Variants in LMO3 observed in about 807,000 individuals in gnomAD.
LMO3 encodes LIM domain only 3, also known as LIM domain only protein 3.
In LMO3, 2 loss-of-function variants were observed where a neutral mutation model predicts 15.8. That is an observed-to-expected ratio of 0.13 (90% CI 0.05 to 0.40). LMO3 has a LOEUF of 0.40. LMO3 is among the 10% of genes least tolerant of loss of function. The pLI, the probability that LMO3 is intolerant of heterozygous loss-of-function variation, is 0.99. For synonymous variants in LMO3, 62 were observed against 63.8 expected, an observed-to-expected ratio of 0.97 and a Z score of 0.13; for missense variants, 86 against 182.2, an observed-to-expected ratio of 0.47 and a Z score of 3.04.
intron 2 of LMO3, among the ~76,000 whole-genome samples, chr12:16,564,145 G>GTCTA (rs1340327414): frequency 6.6e-6 from 1 of 151,752 alleles, no homozygotes; most frequent in Admixed American, 6.6e-5. Flanking sequence ...ACCTCATTTT[G>GTCTA]TCTATCTAAA....
intron 2 of LMO3, among the ~76,000 whole-genome samples, chr12:16,588,273 G>A (rs1213864396): frequency 6.6e-6 from 1 of 151,698 alleles, no homozygotes; most frequent in Admixed American, 6.6e-5. Context: ...TTGAAGGTGT[G>A]CACTCAAATT....
At position 16,593,929 on chromosome 12, in the gene LMO3, C is replaced by A. The variant is rs1943570372; in HGVS notation, c.206+6726G>T. ...ATAGTAAAAACAGAACTAGAACAGG[C>A]AGTATCAAACTCCCTCGGAGCTAAG... is the stretch of plus-strand genomic sequence containing the variant. On this transcript the variant is annotated intron_variant, in intron 2 of 3. Transcript: ENST00000537304. This position sits in a 1 kb window ranked among gnomAD's most constrained non-coding sequence, Gnocchi z 4.2. 6.6e-6 allele frequency among the ~76,000 whole-genome samples: 1 copy of A among 151,630 alleles called. No individual in the cohort carries two copies. Among genetic ancestry groups the A allele is most frequent in the Non-Finnish European group, 1.5e-5 (1 of 67,706 alleles).
intron 2 of LMO3, among the ~76,000 whole-genome samples, chr12:16,564,207 G>T (rs951567099): frequency 7.2e-5 from 11 of 152,062 alleles, no homozygotes; most frequent in Non-Finnish European, 1.5e-4. Context: ...TTTCTTAGGG[G>T]TAAGAACACG....
In LMO3 at chr12:16,587,998, G is replaced by T. The variant is rs530369721; in HGVS notation, c.206+12657C>A. On this transcript the variant is annotated intron_variant, in intron 2 of 3. Coordinates refer to ENST00000537304, the MANE Select transcript of LMO3 (RefSeq NM_018640.5). The surrounding 1 kb of genome is among the most constrained non-coding windows in gnomAD (Gnocchi z 4.3). Reference sequence around the variant, plus strand: ...TCCCTTTCTTTCAGATAATTACCCTGTCTTTCTCTTACGACTTCTTTCCCA... The same window carrying T: ...TCCCTTTCTTTCAGATAATTACCCTTTCTTTCTCTTACGACTTCTTTCCCA... Among the ~76,000 whole-genome samples, 4 of 152,042 alleles carry T rather than the reference G, an allele frequency of 2.6e-5. No homozygotes were observed. The highest frequency in any genetic ancestry group is 4.8e-5 in the African/African-American group (2 of 41,404).
At position 16,597,172 on chromosome 12, in the gene LMO3, T is replaced by C. The variant is rs1057443576; in HGVS notation, c.206+3483A>G. ...CTAAATGAATGATATGCCAGTCCAGTTCTGGAAAGTGAAAAATTCCACTGT... is the reference window on the plus strand; with the variant it reads ...CTAAATGAATGATATGCCAGTCCAGCTCTGGAAAGTGAAAAATTCCACTGT... On this transcript the variant is annotated intron_variant, in intron 2 of 3. Coordinates refer to ENST00000537304, the MANE Select transcript of LMO3 (RefSeq NM_018640.5). The surrounding 1 kb of genome is among the most constrained non-coding windows in gnomAD (Gnocchi z 5.0). Among the ~76,000 whole-genome samples, 7 of 151,742 alleles carry C rather than the reference T, an allele frequency of 4.6e-5. No homozygotes were observed. The highest frequency in any genetic ancestry group is 1.3e-4 in the Admixed American group (2 of 15,226).
chr12:16,596,197 T>C lies in LMO3; in HGVS notation c.206+4458A>G, dbSNP rs1324621832. ...CTTTTAGAGTTATTATATTATTATA[T>C]TAAAGCCTATAAAATTTGTAGTCAG... On this transcript the variant is annotated intron_variant, in intron 2 of 3. Transcript: ENST00000537304. This position sits in a 1 kb window ranked among gnomAD's most constrained non-coding sequence, Gnocchi z 4.3. Among the ~76,000 whole-genome samples, 2 of 151,498 alleles carry C rather than the reference T, an allele frequency of 1.3e-5. No homozygotes were observed. Among genetic ancestry groups the C allele is most frequent in the Non-Finnish European group, 3.0e-5 (2 of 67,532 alleles).
intron 1 of LMO3, among the ~76,000 whole-genome samples, chr12:16,602,455 A>T (rs959626992): frequency 8.5e-5 from 13 of 152,260 alleles, no homozygotes; most frequent in African/African-American, 3.1e-4. Context: ...TTAGAAAATA[A>T]CTCGTCTGGT....
chr12:16,572,792 T>C (rs1942860417), intron 2 of LMO3, among the ~76,000 whole-genome samples: 1 of 150,930 alleles, frequency 6.6e-6, no homozygotes, highest in Non-Finnish European at 1.5e-5. Flanking sequence ...GACCAACCAC[T>C]TTGGGAAAAC....
chr12:16,594,472 C>A, intron 2 of LMO3: 1 of 417,184 alleles, frequency 2.4e-6, no homozygotes. Context: ...AGATCTTGTC[C>A]AGCATTTACA....
rs527552889 is a variant in LMO3 at position 16,565,556 on chromosome 12, A to G, written c.207-5018T>C. Among the ~76,000 whole-genome samples, 5 of 152,326 alleles carry G rather than the reference A, an allele frequency of 3.3e-5. No individual in the cohort carries two copies. In the South Asian group the frequency reaches 1.0e-3, roughly 32 times the overall value. ...TGTATTATGAAAGTTAAAGAAAAGT[A>G]AAAAAGAAAACACTGAACATTTTAG... On this transcript the variant is annotated intron_variant, in intron 2 of 3. Coordinates refer to ENST00000537304, the MANE Select transcript of LMO3 (RefSeq NM_018640.5).
At chr12:16,558,072 G>T (rs979455627) in intron 3 of LMO3, among the ~76,000 whole-genome samples, 1 of 151,958 alleles carries the variant, frequency 6.6e-6, no homozygotes, top group Non-Finnish European at 1.5e-5. Flanking sequence ...TATCTTAAAA[G>T]AATTTTTAAT....
chr12:16,585,683 C>CTAAT lies in LMO3; in HGVS notation c.206+14968_206+14971dup, dbSNP rs1250325944. Among the ~76,000 whole-genome samples, 1 of 152,090 alleles carries CTAAT rather than the reference C, an allele frequency of 6.6e-6. No homozygotes were observed. Among genetic ancestry groups the CTAAT allele is most frequent in the Non-Finnish European group, 1.5e-5 (1 of 68,038 alleles). ...TGATTTCATTTGAATGATGTCAAAA[C>CTAAT]TAATCCTCAGGTGATGTAAGCAGCT... On this transcript the variant is annotated intron_variant, in intron 2 of 3. Coordinates refer to ENST00000537304, the MANE Select transcript of LMO3 (RefSeq NM_018640.5). The surrounding 1 kb of genome is among the most constrained non-coding windows in gnomAD (Gnocchi z 4.7).
rs1454036669 is a variant in LMO3, at chr12:16,597,092, T to C, written c.206+3563A>G. On this transcript the variant is annotated intron_variant, in intron 2 of 3. Transcript: ENST00000537304. The surrounding 1 kb of genome is among the most constrained non-coding windows in gnomAD (Gnocchi z 5.0). ...ATGAGTTTCCAAAGGAGGAAAGCAA[T>C]CCCACAAATGGGCAAATTCTGTCTC... 3.3e-5 allele frequency among the ~76,000 whole-genome samples: 5 copies of C among 151,678 alleles called. No homozygotes were observed. Among genetic ancestry groups the C allele is most frequent in the African/African-American group, 1.2e-4 (5 of 41,408 alleles).
chr12:16,553,261 G>T (rs1361395674), intron 3 of LMO3, among the ~76,000 whole-genome samples: 1 of 152,056 alleles, frequency 6.6e-6, no homozygotes, highest in African/African-American at 2.4e-5. Flanking sequence ...AACGTTTATA[G>T]TAAAGGAAGA....
rs1213630580 is a variant in LMO3, at chr12:16,603,319, T to G, written c.-8-2451A>C. On this transcript the variant is annotated intron_variant, in intron 1 of 3. Transcript: ENST00000537304. This position sits in a 1 kb window ranked among gnomAD's most constrained non-coding sequence, Gnocchi z 4.9. Reference sequence around the variant, plus strand: ...TGGCAATTCTCTTGAAAATGGAATCTCTTGAATTCCATGCAAGTTAACAAT... The same window carrying G: ...TGGCAATTCTCTTGAAAATGGAATCGCTTGAATTCCATGCAAGTTAACAAT... Among the ~76,000 whole-genome samples the G allele has an allele frequency of 6.6e-6, 1 of 152,168 alleles. No homozygotes were observed. Among genetic ancestry groups the G allele is most frequent in the African/African-American group, 2.4e-5 (1 of 41,424 alleles).
rs1184904896 is a variant in LMO3 at position 16,584,032 on chromosome 12, T to G, written c.206+16623A>C. Among the ~76,000 whole-genome samples, 1 of 152,192 alleles carries G rather than the reference T, an allele frequency of 6.6e-6. No homozygotes were observed. Among genetic ancestry groups the G allele is most frequent in the African/African-American group, 2.4e-5 (1 of 41,456 alleles). On this transcript the variant is annotated intron_variant, in intron 2 of 3. Transcript: ENST00000537304. This position sits in a 1 kb window ranked among gnomAD's most constrained non-coding sequence, Gnocchi z 5.2. ...AAGGAAAAGACACTGTATATAATTC[T>G]GGGATGGCAGGCTGATGTTCAGTAG...
At chr12:16,579,336 G>A (rs536284375) in intron 2 of LMO3, among the ~76,000 whole-genome samples, 140 of 152,308 alleles carry the variant, frequency 9.2e-4, no homozygotes, top group African/African-American at 3.2e-3. Context: ...TTCACAAGGA[G>A]GTCTTTGGTG....
At chr12:16,595,448 A>G (rs1943618082) in intron 2 of LMO3, among the ~76,000 whole-genome samples, 1 of 151,388 alleles carries the variant, frequency 6.6e-6, no homozygotes, top group Non-Finnish European at 1.5e-5. Context: ...AGGAAGTCTA[A>G]TGTGAATTCA....
chr12:16,560,043 C>T lies in LMO3; in HGVS notation c.332+370G>A, dbSNP rs547449621. 6.6e-6 allele frequency among the ~76,000 whole-genome samples: 1 copy of T among 151,986 alleles called. No homozygotes were observed. The highest frequency in any genetic ancestry group is 1.9e-4 in the East Asian group (1 of 5,174). ...GAATATAAAATACCTGCAACAAATT[C>T]CTGTATATTTGCTTCATTGCCAATT... On this transcript the variant is annotated intron_variant, in intron 3 of 3. Transcript: ENST00000537304. This position sits in a 1 kb window ranked among gnomAD's most constrained non-coding sequence, Gnocchi z 5.0.
Sources: allele counts gnomAD v4.1 joint callset (sites outside exome capture counted in the v4.1 genomes callset), GRCh38; gene constraint gnomAD v4.1.1; non-coding constraint Gnocchi (gnomAD v3.1); transcripts MANE v1.5; gene names NCBI Gene and HGNC (gene_info 2026-07-23, HGNC 2026-07-21).